The following NUTM2E variants were observed in gnomAD, a reference collection of about 807,000 sequenced individuals.
NUTM2E encodes NUT family member 2E.
Under a neutral mutation model 26.1 loss-of-function variants are expected in NUTM2E, and 3 were observed. The ratio of observed to expected loss-of-function variants is 0.12; its 90% CI spans 0.05 to 0.30. The LOEUF (loss-of-function observed/expected upper bound fraction) is 0.30, where lower values mean the gene tolerates loss of function less well. NUTM2E is among the 10% of genes least tolerant of loss of function. The pLI, the probability that NUTM2E is intolerant of heterozygous loss-of-function variation, is 1.00. For synonymous variants in NUTM2E, 13 were observed against 157.5 expected, an observed-to-expected ratio of 0.08 and a Z score of 6.87; for missense variants, 62 against 381.3, an observed-to-expected ratio of 0.16 and a Z score of 6.97.
rs1213531771 is a variant in NUTM2E, at chr10:79,834,906, AATTTT to A, written c.-2727-3395_-2727-3391del. On this transcript the variant is annotated intron_variant, in intron 1 of 9. Transcript: ENST00000429984. ...AAATCATACTTTTGTTAGTGTGTTTAATTTTATTTTATCTTTCTCTCTGTGTGTTT... is the reference window on the plus strand; with the variant it reads ...AAATCATACTTTTGTTAGTGTGTTTAATTTTATCTTTCTCTCTGTGTGTTT... Among the ~76,000 whole-genome samples the A allele has an allele frequency of 3.0e-4, 46 of 151,560 alleles. 1 individual carries two copies. The highest frequency in any genetic ancestry group is 8.0e-4 in the African/African-American group (33 of 41,398).
At position 79,836,410 on chromosome 10, in the gene NUTM2E, T is replaced by A. The variant is rs1327202073; in HGVS notation, c.-2727-1899T>A. On this transcript the variant is annotated intron_variant, in intron 1 of 9. Transcript: ENST00000429984. ...TTTCTCTAGGATACATCTATGTACA[T>A]GCAACTGAAGAAAATAGCTTTTAAA... 2.0e-5 allele frequency among the ~76,000 whole-genome samples: 3 copies of A among 151,940 alleles called. No homozygotes were observed. In the South Asian group the frequency reaches 6.2e-4, roughly 32 times the overall value.
At position 79,838,501 on chromosome 10, in the gene NUTM2E, A is replaced by T. The variant is rs867467960; in HGVS notation, c.-2535A>T. 3.7e-3 allele frequency among the ~76,000 whole-genome samples: 545 copies of T among 148,970 alleles called. 4 individuals carry two copies. The highest frequency in any genetic ancestry group is 0.034 in the Middle Eastern group (10 of 290). ...GCTGAGGTTTTCTTCAAGCTTTTGCATTGTTTGGAATGTGAAAGGCACGGC... is the reference window on the plus strand; with the variant it reads ...GCTGAGGTTTTCTTCAAGCTTTTGCTTTGTTTGGAATGTGAAAGGCACGGC... On this transcript the variant is annotated 5_prime_UTR_variant, in exon 2 of 10. Coordinates refer to ENST00000429984, the MANE Select transcript of NUTM2E (RefSeq NM_001355263.2).
intron 1 of NUTM2E, among the ~76,000 whole-genome samples, chr10:79,834,031 A>G (rs1199148779): frequency 6.6e-6 from 1 of 151,890 alleles, no homozygotes; most frequent in East Asian, 1.9e-4. Flanking sequence ...CTATGCAGCC[A>G]TAAAAAAGAA....
At chr10:79,834,270 A>G in intron 1 of NUTM2E, among the ~76,000 whole-genome samples, 2 of 151,734 alleles carry the variant, frequency 1.3e-5, no homozygotes. Flanking sequence ...TGACAGGTTG[A>G]TGGGCAGCAA....
intron 1 of NUTM2E, among the ~76,000 whole-genome samples, chr10:79,830,349 G>T (rs910398637): frequency 7.9e-5 from 12 of 151,568 alleles, no homozygotes; most frequent in African/African-American, 2.7e-4. Flanking sequence ...TATTTTAGTG[G>T]AATAAGAATG....
chr10:79,839,587 G>GA (rs1564742923), intron 3 of NUTM2E, among the ~76,000 whole-genome samples, 41 bp from the exon 4 acceptor site: 6 of 151,742 alleles, frequency 4.0e-5, no homozygotes, highest in Non-Finnish European at 8.8e-5. Context: ...AATACCTTCA[G>GA]AAGAAACTTT....
chr10:79,826,782 G>C lies in NUTM2E; in HGVS notation c.-3303G>C, dbSNP rs1445854314. 1.3e-5 allele frequency: 2 copies of C among 152,706 alleles called. No homozygotes were observed. The highest frequency in any genetic ancestry group is 4.8e-5 in the African/African-American group (2 of 41,372). 9.5% of individuals were successfully genotyped at this position (152,706 alleles called of 1,614,324 possible). On this transcript the variant is annotated 5_prime_UTR_variant, in exon 1 of 10. Transcript: ENST00000429984. Reference sequence around the variant, plus strand: ...CGCTGGGAGCAGAGCTAGCCGAGTAGGGCGCCCGGCTGTCAAACTGGCCGG... The same window carrying C: ...CGCTGGGAGCAGAGCTAGCCGAGTACGGCGCCCGGCTGTCAAACTGGCCGG...
In NUTM2E at chr10:79,828,564, G is replaced by A. The variant is rs1296902886; in HGVS notation, c.-2728+1207G>A. 2.0e-5 allele frequency among the ~76,000 whole-genome samples: 3 copies of A among 151,810 alleles called. No individual in the cohort carries two copies. In the South Asian group the frequency reaches 6.2e-4, roughly 32 times the overall value. On this transcript the variant is annotated intron_variant, in intron 1 of 9. Transcript: ENST00000429984. Reference sequence around the variant, plus strand: ...TGGGACTGTTAACAGCCCTGGTAGTGGAAAAGTAGAAGGAAATGATTCTGT... The same window carrying A: ...TGGGACTGTTAACAGCCCTGGTAGTAGAAAAGTAGAAGGAAATGATTCTGT...
intron 1 of NUTM2E, among the ~76,000 whole-genome samples, chr10:79,830,887 A>C (rs555374866): frequency 6.6e-6 from 1 of 151,654 alleles, no homozygotes; most frequent in Non-Finnish European, 1.5e-5. Context: ...CCCAGTAGAG[A>C]TATTACTGAC....
At position 79,827,343 on chromosome 10, in the gene NUTM2E, G is replaced by T. The variant is rs1421387857; in HGVS notation, c.-2742G>T. Reference sequence around the variant, plus strand: ...TGAAAAAGAACATTACAACTTTTTTGAAAGAAATTTGGGGGTAAATTTAAT... The same window carrying T: ...TGAAAAAGAACATTACAACTTTTTTTAAAGAAATTTGGGGGTAAATTTAAT... On this transcript the variant is annotated 5_prime_UTR_variant, in exon 1 of 10. Coordinates refer to ENST00000429984, the MANE Select transcript of NUTM2E (RefSeq NM_001355263.2). 6.5e-6 allele frequency: 1 copy of T among 152,948 alleles called. No homozygotes were observed. The highest frequency in any genetic ancestry group is 1.5e-5 in the Non-Finnish European group (1 of 67,968). 9.5% of individuals were successfully genotyped at this position (152,948 alleles called of 1,614,324 possible).
In NUTM2E at chr10:79,830,083, T is replaced by C. The variant is rs1395726767; in HGVS notation, c.-2728+2726T>C. On this transcript the variant is annotated intron_variant, in intron 1 of 9. Transcript: ENST00000429984. ...CTAGTATGATTTATTTACCTTTTAG[T>C]AAATCAAGTTCTCAGAAAACTAAAG... 2.6e-5 allele frequency among the ~76,000 whole-genome samples: 4 copies of C among 151,724 alleles called. No individual in the cohort carries two copies. In the East Asian group the frequency reaches 7.7e-4, roughly 29 times the overall value.
At chr10:79,831,564 C>T (rs1281220455) in intron 1 of NUTM2E, among the ~76,000 whole-genome samples, 1 of 151,670 alleles carries the variant, frequency 6.6e-6, no homozygotes, top group South Asian at 2.1e-4. Flanking sequence ...TTTAAAAAGA[C>T]CTCATCAGAC....
intron 1 of NUTM2E, among the ~76,000 whole-genome samples, chr10:79,831,749 A>T (rs1435274453): frequency 6.6e-6 from 1 of 151,670 alleles, no homozygotes; most frequent in Non-Finnish European, 1.5e-5. Flanking sequence ...GAGATTTACA[A>T]AAGAATAAGT....
intron 1 of NUTM2E, among the ~76,000 whole-genome samples, chr10:79,828,278 G>T (rs956007575): frequency 3.3e-5 from 5 of 151,848 alleles, no homozygotes; most frequent in African/African-American, 9.7e-5. Context: ...AACCGCATGG[G>T]ATTACTTATA....
chr10:79,827,856 C>T (rs1205560161), intron 1 of NUTM2E, among the ~76,000 whole-genome samples: 2 of 146,314 alleles, frequency 1.4e-5, no homozygotes, highest in Non-Finnish European at 3.0e-5. Context: ...CAGGCTGGCA[C>T]GATCTTGGCT....
intron 1 of NUTM2E, among the ~76,000 whole-genome samples, chr10:79,828,234 G>C (rs1168339681): frequency 3.3e-5 from 5 of 151,984 alleles, no homozygotes; most frequent in African/African-American, 1.2e-4. Context: ...TTCATTTTCA[G>C]ATGACTATGT....
chr10:79,834,160 A>G lies in NUTM2E; in HGVS notation c.-2727-4149A>G, dbSNP rs181718861. On this transcript the variant is annotated intron_variant, in intron 1 of 9. Coordinates refer to ENST00000429984, the MANE Select transcript of NUTM2E (RefSeq NM_001355263.2). ...CTCACTCAGAAGTGGGAGTTGAACA[A>G]TGACACGTGGGCACATGGAGGGAAA... Among the ~76,000 whole-genome samples the G allele has an allele frequency of 7.9e-4, 119 of 151,194 alleles. 1 individual carries two copies. In the Middle Eastern group the frequency reaches 0.027, roughly 35 times the overall value.
At chr10:79,836,768 T>C (rs1841966340) in intron 1 of NUTM2E, among the ~76,000 whole-genome samples, 1 of 152,012 alleles carries the variant, frequency 6.6e-6, no homozygotes, top group South Asian at 2.1e-4. Context: ...AATTAATTTA[T>C]AGCTGTTTTT....
At position 79,838,846 on chromosome 10, in the gene NUTM2E, G is replaced by A. The variant is rs866467805; in HGVS notation, c.-2383G>A. 9.2e-3 allele frequency among the ~76,000 whole-genome samples: 1,396 copies of A among 151,328 alleles called. 26 individuals are homozygous for A. Among genetic ancestry groups the A allele is most frequent in the African/African-American group, 0.033 (1,341 of 41,224 alleles). On this transcript the variant is annotated 5_prime_UTR_variant, in exon 3 of 10. Transcript: ENST00000429984. ...TCACCGCCCTTTGCTCTCGCGCTGC[G>A]CGTCTCCCTGCCATCAACCGCCGCA...
Sources: gnomAD v4.1 joint callset for allele counts (sites outside exome capture counted in the v4.1 genomes callset) on GRCh38, gnomAD v4.1.1 for gene constraint, MANE v1.5 for transcripts, NCBI Gene and HGNC (gene_info 2026-07-23, HGNC 2026-07-21) for gene names.